The following CLN8 variants were observed in gnomAD, a reference collection of about 807,000 sequenced individuals.
CLN8 encodes the protein protein CLN8.
CLN8 carries 14 observed loss-of-function variants against 15.7 expected under a neutral mutation model. The observed-to-expected ratio is 0.89, with a 90% CI of 0.59 to 1.39. The LOEUF (loss-of-function observed/expected upper bound fraction) is 1.39, where lower values mean the gene tolerates loss of function less well. Among genes scored for constraint, CLN8 ranks in the 40% most tolerant of loss-of-function variants. The probability of loss-of-function intolerance (pLI) is 0.00; values close to 1 mark genes in which losing one functional copy is unlikely to be tolerated. For missense variants in CLN8, 415 were observed against 364.0 expected (o/e 1.14, Z -1.14); for synonymous variants, 188 against 151.0 (o/e 1.25, Z -1.80).
At chr8:1,778,212 A>T (rs1801589382) in intron 2 of CLN8, among the ~76,000 whole-genome samples, 1 of 152,212 alleles carries the variant, frequency 6.6e-6, no homozygotes, top group African/African-American at 2.4e-5. Context: ...GCCCCAGGCA[A>T]ACCAGGATCT....
At chr8:1,760,995 A>T (rs186559921), upstream of CLN8, among the ~76,000 whole-genome samples, 64 of 151,194 alleles carry the variant, frequency 4.2e-4, no homozygotes, top group African/African-American at 1.5e-3. Flanking sequence ...ACTACATCTA[A>T]GCATGACTAT....
upstream of CLN8, among the ~76,000 whole-genome samples, chr8:1,753,178 T>C (rs1259418108): frequency 6.6e-6 from 1 of 152,194 alleles, no homozygotes; most frequent in Non-Finnish European, 1.5e-5. Context: ...GGTGTGCAGC[T>C]CCTCACTGTC....
upstream of CLN8, among the ~76,000 whole-genome samples, chr8:1,760,944 G>C (rs553336166): frequency 2.2e-4 from 34 of 151,568 alleles, no homozygotes; most frequent in African/African-American, 8.0e-4. Context: ...TCTAGTACTT[G>C]GTGGATGTAA....
chr8:1,753,388 C>A (rs529197901), upstream of CLN8, among the ~76,000 whole-genome samples: 1 of 151,610 alleles, frequency 6.6e-6, no homozygotes, highest in African/African-American at 2.4e-5. Context: ...CTGGCCAATA[C>A]GGTGAAAACC....
intron 1 of CLN8, among the ~76,000 whole-genome samples, chr8:1,768,900 C>CA (rs1801188612): frequency 6.6e-6 from 1 of 152,200 alleles, no homozygotes; most frequent in Non-Finnish European, 1.5e-5. Context: ...ACACTGGAGT[C>CA]TTGATATATA....
intron 2 of CLN8, among the ~76,000 whole-genome samples, chr8:1,772,628 G>T (rs1177591503): frequency 1.5e-5 from 2 of 137,848 alleles, no homozygotes; most frequent in Non-Finnish European, 3.0e-5. Flanking sequence ...TAGCTAATTT[G>T]TGTGTGTGTG....
At chr8:1,761,944 C>G (rs1400777772), upstream of CLN8, 1 of 152,194 alleles carries the variant, frequency 6.6e-6, no homozygotes, top group African/African-American at 2.4e-5. Flanking sequence ...ACCATAATTT[C>G]TAATCTTGTG....
chr8:1,768,023 A>G (rs1369407141), intron 1 of CLN8, among the ~76,000 whole-genome samples: 1 of 142,564 alleles, frequency 7.0e-6, no homozygotes, highest in Non-Finnish European at 1.5e-5. Flanking sequence ...GCTCACTGCA[A>G]CCTCCACCCT....
At chr8:1,776,436 C>T (rs141941127) in intron 2 of CLN8, among the ~76,000 whole-genome samples, 30 of 151,240 alleles carry the variant, frequency 2.0e-4, no homozygotes, top group African/African-American at 7.1e-4. Context: ...GCATGTGGCC[C>T]TGCTCCAATA....
upstream of CLN8, chr8:1,762,934 G>A (rs138897814): frequency 1.4e-3 from 215 of 152,356 alleles, 1 homozygote; most frequent in African/African-American, 5.0e-3. Context: ...CGATTCTAAA[G>A]AGGGAACAAA....
intron 1 of CLN8, 143 bp downstream of exon 1, chr8:1,764,028 G>T: frequency 6.6e-6 from 1 of 151,824 alleles, no homozygotes; most frequent in Non-Finnish European, 1.5e-5. Context: ...AGGCGAGGGG[G>T]CTGGGAAGCC....
intron 1 of CLN8, among the ~76,000 whole-genome samples, chr8:1,768,780 C>G (rs900121530): frequency 1.4e-4 from 21 of 152,176 alleles, no homozygotes; most frequent in African/African-American, 4.6e-4. Flanking sequence ...TTCAACGATG[C>G]CTTGCTGCAC....
intron 1 of CLN8, among the ~76,000 whole-genome samples, chr8:1,768,891 C>T (rs1179844104): frequency 6.6e-6 from 1 of 152,214 alleles, no homozygotes; most frequent in African/African-American, 2.4e-5. Context: ...TGTGTAAGTA[C>T]ACTGGAGTCT....
intron 1 of CLN8, among the ~76,000 whole-genome samples, chr8:1,758,003 CCT>C (rs959093622): frequency 6.6e-6 from 1 of 151,976 alleles, no homozygotes; most frequent in Non-Finnish European, 1.5e-5. Context: ...TTAAGCAACC[CCT>C]CCAAGGTCAC....
At chr8:1,758,959 C>T (rs1800731108), upstream of CLN8, 1 of 152,200 alleles carries the variant, frequency 6.6e-6, no homozygotes, top group African/African-American at 2.4e-5. Context: ...CCTCAAGAGA[C>T]AGCCGTGTGG....
chr8:1,755,916 G>A (rs932578639), exon 1 of CLN8: 2 of 152,216 alleles, frequency 1.3e-5, no homozygotes, highest in African/African-American at 4.8e-5. Flanking sequence ...TCACGACCGT[G>A]TGGGTCTCGT....
chr8:1,755,986 G>C (rs559518085), exon 1 of CLN8: 2 of 152,144 alleles, frequency 1.3e-5, no homozygotes, highest in African/African-American at 4.8e-5. Context: ...TACTGTTCTT[G>C]GTTTCTGACC....
At chr8:1,761,400 C>T (rs937186067), upstream of CLN8, among the ~76,000 whole-genome samples, 2 of 152,220 alleles carry the variant, frequency 1.3e-5, no homozygotes, top group Non-Finnish European at 2.9e-5. Flanking sequence ...TTTCAGCACA[C>T]TGCAACCTCC....
rs547497940 is a variant in CLN8, at chr8:1,785,974, C to G, written c.*5407C>G. 2 of 153,244 alleles carry G rather than the reference C, an allele frequency of 1.3e-5. No homozygotes were observed. Among genetic ancestry groups the G allele is most frequent in the African/African-American group, 4.8e-5 (2 of 41,588 alleles). The allele number at this position is 153,244 out of a possible 1,614,324, so 9.5% of individuals were successfully genotyped here. On this transcript the variant is annotated 3_prime_UTR_variant, in exon 3 of 3. Transcript: ENST00000331222. ...TCCCAGGTGTCAGCTGGTGGGTCTC[C>G]CAGGAGCTGCCCCTCCCTGGAAGTC...
Sources: gnomAD v4.1 joint callset for allele counts (sites outside exome capture counted in the v4.1 genomes callset) on GRCh38, gnomAD v4.1.1 for gene constraint, MANE v1.5 for transcripts, NCBI Gene and HGNC (gene_info 2026-07-23, HGNC 2026-07-21) for gene names.